The following ROPN1 variants were observed in gnomAD, a reference collection of about 807,000 sequenced individuals.
ROPN1 encodes rhophilin associated tail protein 1, also known as ropporin-1A.
ROPN1 carries 14 observed loss-of-function variants against 20.5 expected under a neutral mutation model. That is an observed-to-expected ratio of 0.68 (90% CI 0.45 to 1.07). The LOEUF (loss-of-function observed/expected upper bound fraction) is 1.07. ROPN1 is among the 50% of genes least tolerant of loss of function. ROPN1 has a pLI of 0.00. For missense variants in ROPN1, 169 were observed against 242.8 expected (o/e 0.70, Z 2.02); for synonymous variants, 76 against 95.7 (o/e 0.79, Z 1.20).
chr3:123,981,626 A>G (rs2038150620), intron 1 of ROPN1, among the ~76,000 whole-genome samples: 1 of 152,216 alleles, frequency 6.6e-6, no homozygotes, highest in African/African-American at 2.4e-5. Context: ...GTCAGGAGAG[A>G]AACAGTCCCC....
intron 5 of ROPN1, 37 bp from the exon 6 acceptor site, chr3:123,969,258 G>C (rs770905824): frequency 6.8e-7 from 1 of 1,479,662 alleles, no homozygotes; most frequent in Non-Finnish European, 9.4e-7. Flanking sequence ...TTAGTTCATT[G>C]ACAGTTAATC....
chr3:123,970,056 G>T lies in ROPN1; in HGVS notation c.558C>A (p.Tyr186Ter). Residue 186 changes from tyrosine to a stop codon, truncating the protein, a stop_gained, in exon 5 of 6, where the codon TAC (tyrosine) becomes TAA (stop). Transcript: ENST00000405845. LOFTEE classifies it high-confidence loss of function. ...AGTTAACTTACACTTCCTGTTCCAT[G>T]TAGTTTAGCATCCTGCTGACATGTG... ...SASHVSRMLN[Y>*]MEQEVIGPDG... is the part of the protein sequence containing the mutation. 1 of 1,613,694 alleles carries T rather than the reference G, an allele frequency of 6.2e-7. No individual in the cohort carries two copies. Among genetic ancestry groups the T allele is most frequent in the Non-Finnish European group, 8.5e-7 (1 of 1,179,922 alleles).
chr3:123,983,904 G>T (rs1332573324), intron 1 of ROPN1, among the ~76,000 whole-genome samples: 1 of 152,162 alleles, frequency 6.6e-6, no homozygotes, highest in African/African-American at 2.4e-5. Context: ...CTTTTGCAAT[G>T]ACATATAATA....
chr3:123,978,547 A>C (rs1359704004), intron 2 of ROPN1: 5 of 153,790 alleles, frequency 3.3e-5, no homozygotes, highest in Non-Finnish European at 7.3e-5. Context: ...ATATATTGCA[A>C]ATTTGTGTTG....
chr3:123,990,231 G>A (rs940234074), intron 1 of ROPN1, among the ~76,000 whole-genome samples: 1 of 151,846 alleles, frequency 6.6e-6, no homozygotes, highest in African/African-American at 2.4e-5. Flanking sequence ...TAAGAGACAA[G>A]TATTTAGGAG....
chr3:123,980,324 C>T (rs774616191), intron 2 of ROPN1, 42 bp downstream of exon 2: 28 of 1,599,220 alleles, frequency 1.8e-5, no homozygotes, highest in South Asian at 4.4e-5. Flanking sequence ...CCTCTGTCTC[C>T]GGCCGTCCTC....
At chr3:123,969,286 C>T in intron 5 of ROPN1, 65 bp from the exon 6 acceptor site, 1 of 1,239,452 alleles carries the variant, frequency 8.1e-7, no homozygotes, top group East Asian at 2.3e-5. Context: ...AGACAATATG[C>T]AAACAACTCT....
chr3:123,990,182 C>T (rs918062969), intron 1 of ROPN1, among the ~76,000 whole-genome samples: 4 of 152,100 alleles, frequency 2.6e-5, no homozygotes, highest in East Asian at 1.9e-4. Flanking sequence ...CTCCCAGGAG[C>T]TTCACTGCCT....
chr3:123,970,465 A>G (rs186787484), intron 4 of ROPN1, among the ~76,000 whole-genome samples: 1 of 152,332 alleles, frequency 6.6e-6, no homozygotes, highest in Admixed American at 6.5e-5. Context: ...TTAAATTTAT[A>G]CATTCCTAAG....
chr3:123,990,788 A>G (rs1013629615), intron 1 of ROPN1, among the ~76,000 whole-genome samples: 28 of 152,236 alleles, frequency 1.8e-4, no homozygotes, highest in Non-Finnish European at 4.4e-5. Context: ...CTCTCAATGT[A>G]AAATGGAGGC....
In ROPN1 at chr3:123,969,059, G is replaced by C. The variant is rs552041347; in HGVS notation, c.*96C>G. The C allele has an allele frequency of 4.2e-6, 4 of 944,764 alleles. No individual in the cohort carries two copies. In the African/African-American group the frequency reaches 6.5e-5, roughly 15 times the overall value. 58.5% of individuals were successfully genotyped at this position (944,764 alleles called of 1,614,324 possible). The stretch of plus-strand genomic sequence containing the variant: ...AATTGTTTATTAGTGTGTACCAGTT[G>C]TACAAGAAAATTGATTTTGGGTGGT... On this transcript the variant is annotated 3_prime_UTR_variant, in exon 6 of 6. Transcript: ENST00000405845.
chr3:123,981,407 C>A (rs4247196), intron 1 of ROPN1: 9 of 153,614 alleles, frequency 5.9e-5, no homozygotes, highest in Admixed American at 3.9e-4. Flanking sequence ...CAGGAACTTG[C>A]AGCTTTGAGA....
intron 1 of ROPN1, among the ~76,000 whole-genome samples, chr3:123,988,151 A>AT (rs34660154): frequency 5.2e-4 from 75 of 143,958 alleles, no homozygotes; most frequent in South Asian, 2.0e-3. Context: ...TCCTTCCTAC[A>AT]TTTTTTTTTT....
chr3:123,985,246 G>A (rs1219017600), intron 1 of ROPN1, among the ~76,000 whole-genome samples: 7 of 152,160 alleles, frequency 4.6e-5, no homozygotes, highest in East Asian at 1.9e-4. Context: ...TGCCAGAGAC[G>A]CCTTTATAGG....
intron 1 of ROPN1, 100 bp from the exon 2 acceptor site, chr3:123,980,593 A>AT: frequency 2.8e-6 from 3 of 1,059,974 alleles, no homozygotes; most frequent in Non-Finnish European, 2.7e-6. Context: ...TTGACACTCA[A>AT]TTTTGGGGAC....
At chr3:123,980,069 T>C in intron 2 of ROPN1, 1 of 512,834 alleles carries the variant, frequency 1.9e-6, no homozygotes, top group Non-Finnish European at 3.4e-6. Flanking sequence ...GAGGTGGGTG[T>C]GCATACGCTG....
At chr3:123,976,084 G>C (rs16834939) in intron 3 of ROPN1, among the ~76,000 whole-genome samples, 15,739 of 152,130 alleles carry the variant, frequency 0.1, 1,864 homozygotes, top group East Asian at 0.42. Flanking sequence ...CTTGATCCCA[G>C]GTATTTTAGA....
At chr3:123,969,937 C>T (rs1430557010) in intron 5 of ROPN1, 105 bp downstream of exon 5, 2 of 1,110,030 alleles carry the variant, frequency 1.8e-6, no homozygotes, top group African/African-American at 1.6e-5. Context: ...TCTCACAATA[C>T]TTTTCTGTTT....
chr3:123,970,239 A>C (rs2037890013), intron 4 of ROPN1, 22 bp from the exon 5 acceptor site: 21 of 1,601,290 alleles, frequency 1.3e-5, no homozygotes, highest in Non-Finnish European at 1.5e-5. Context: ...AGATAAAATG[A>C]GGAGAAAGTT....
Sources: allele counts gnomAD v4.1 joint callset (sites outside exome capture counted in the v4.1 genomes callset), GRCh38; gene constraint gnomAD v4.1.1; transcripts MANE v1.5; gene names NCBI Gene and HGNC (gene_info 2026-07-23, HGNC 2026-07-21).